Variants in PLA2G4C observed in about 807,000 individuals in gnomAD.
The protein encoded by PLA2G4C is phospholipase A2 group IVC.
In PLA2G4C, 64 loss-of-function variants were observed where a neutral mutation model predicts 73.8. That is an observed-to-expected ratio of 0.87 (90% CI 0.71 to 1.07). PLA2G4C has a LOEUF of 1.07. Among genes scored for constraint, PLA2G4C ranks in the 50% least tolerant of loss-of-function variants. The probability of loss-of-function intolerance (pLI) is 0.00; values close to 1 mark genes in which losing one functional copy is unlikely to be tolerated. For missense variants in PLA2G4C, 622 were observed against 665.4 expected (o/e 0.93, Z 0.72); for synonymous variants, 254 against 252.1 (o/e 1.01, Z -0.07).
chr19:48,051,495 C>T (rs1316027127), intron 16 of PLA2G4C, among the ~76,000 whole-genome samples: 1 of 152,144 alleles, frequency 6.6e-6, no homozygotes, highest in Non-Finnish European at 1.5e-5. Flanking sequence ...ATTACTTTTG[C>T]ACCAACCTAA....
chr19:48,048,053 T>C lies in PLA2G4C; in HGVS notation c.*290A>G, dbSNP rs1967588328. The C allele has an allele frequency of 6.6e-6, 3 of 457,414 alleles. No individual in the cohort carries two copies. The highest frequency in any genetic ancestry group is 8.9e-5 in the East Asian group (2 of 22,566). The allele number at this position is 457,414 out of a possible 1,614,324, so 28.3% of individuals were successfully genotyped here. The stretch of plus-strand genomic sequence containing the variant: ...CACATTCATTCTGGCCATCTGGACA[T>C]TGGACATGATGCTTCTGATTGTCAG... On this transcript the variant is annotated 3_prime_UTR_variant, in exon 17 of 17. Coordinates refer to ENST00000599921, the MANE Select transcript of PLA2G4C (RefSeq NM_003706.3).
rs536718829 is a variant in PLA2G4C at position 48,074,269 on chromosome 19, A to G, written c.1006+498T>C. Among the ~76,000 whole-genome samples the G allele has an allele frequency of 2.1e-4, 32 of 152,306 alleles. No homozygotes were observed. In the South Asian group the frequency reaches 6.4e-3, roughly 31 times the overall value. ...CTGTTCCTGCAATAGTTTGCTGAGG[A>G]TAATGACTTCCAGCTCCACCCATAT... On this transcript the variant is annotated intron_variant, in intron 12 of 16. Coordinates refer to ENST00000599921, the MANE Select transcript of PLA2G4C (RefSeq NM_003706.3).
intron 14 of PLA2G4C, 193 bp downstream of exon 14, chr19:48,061,805 C>G (rs1402489045): frequency 3.3e-6 from 2 of 611,858 alleles, no homozygotes; most frequent in South Asian, 1.8e-5. Context: ...GGCTTTGGAT[C>G]AGAAGTTCGT....
intron 12 of PLA2G4C, chr19:48,074,545 T>C (rs2030004183): frequency 1.8e-6 from 1 of 549,502 alleles, no homozygotes; most frequent in Non-Finnish European, 3.3e-6. Flanking sequence ...ATCTAGATCC[T>C]TGAGGAATTC....
chr19:48,105,026 T>C lies in PLA2G4C; in HGVS notation c.121-302A>G, dbSNP rs1304140924. On this transcript the variant is annotated intron_variant, in intron 3 of 16. Coordinates refer to ENST00000599921, the MANE Select transcript of PLA2G4C (RefSeq NM_003706.3). ...TGAACCTGGGAGGTGGAGGTTGCAG[T>C]GAGCCAAGATCATGCCACTGCATTC... Among the ~76,000 whole-genome samples, 5 of 135,192 alleles carry C rather than the reference T, an allele frequency of 3.7e-5. No homozygotes were observed. The East Asian group carries it at 1.1e-3, about 29-fold the overall frequency. 88.7% of individuals were successfully genotyped at this position (135,192 alleles called of 152,430 possible).
chr19:48,067,154 A>G (rs993887230), intron 13 of PLA2G4C, among the ~76,000 whole-genome samples: 1 of 148,154 alleles, frequency 6.7e-6, no homozygotes, highest in South Asian at 2.1e-4. Flanking sequence ...TGAAGGGAAA[A>G]CCCATACAAA....
At chr19:48,101,403 G>T (rs2031914767) in intron 4 of PLA2G4C, among the ~76,000 whole-genome samples, 1 of 151,876 alleles carries the variant, frequency 6.6e-6, no homozygotes, top group South Asian at 2.1e-4. Context: ...CCAAAATGCT[G>T]GGATTATAGG....
intron 7 of PLA2G4C, among the ~76,000 whole-genome samples, chr19:48,091,984 A>ATTG (rs574021214): frequency 8.6e-5 from 13 of 151,836 alleles, no homozygotes; most frequent in African/African-American, 3.1e-4. Flanking sequence ...ACGTGGAGAA[A>ATTG]TTGGAAACCT....
At chr19:48,097,134 A>T (rs2031614606) in intron 6 of PLA2G4C, 1 of 149,164 alleles carries the variant, frequency 6.7e-6, no homozygotes, top group Admixed American at 6.6e-5. Context: ...TAACCTGGGC[A>T]ACAAGAGAGA....
chr19:48,102,866 A>G (rs2031986633), intron 4 of PLA2G4C, among the ~76,000 whole-genome samples: 1 of 152,168 alleles, frequency 6.6e-6, no homozygotes, highest in South Asian at 2.1e-4. Context: ...TCCATGAGGC[A>G]GGCGTTCCTG....
At chr19:48,100,702 G>C (rs946393716) in intron 4 of PLA2G4C, among the ~76,000 whole-genome samples, 1 of 149,738 alleles carries the variant, frequency 6.7e-6, no homozygotes, top group African/African-American at 2.5e-5. Flanking sequence ...GAGGTCAGGA[G>C]ATCGAGACCA....
At chr19:48,101,104 C>CTATA (rs869065676) in intron 4 of PLA2G4C, among the ~76,000 whole-genome samples, 115 of 103,338 alleles carry the variant, frequency 1.1e-3, no homozygotes, top group African/African-American at 2.5e-3. Context: ...CACATAGAGT[C>CTATA]TATATATATA....
chr19:48,097,244 C>CGTT (rs1568449148), intron 6 of PLA2G4C: 3 of 66,632 alleles, frequency 4.5e-5, no homozygotes, highest in African/African-American at 2.1e-4. Context: ...TTACTTTTTT[C>CGTT]TTTTTTCTTT....
At chr19:48,082,582 C>T (rs1345450614) in intron 10 of PLA2G4C, among the ~76,000 whole-genome samples, 1 of 148,260 alleles carries the variant, frequency 6.7e-6, no homozygotes, top group African/African-American at 2.5e-5. Context: ...CACTGCAACC[C>T]CTGCCTCCCG....
In PLA2G4C at chr19:48,048,302, T is replaced by C. The variant is rs1194916116; in HGVS notation, c.*41A>G. 3 of 1,537,712 alleles carry C rather than the reference T, an allele frequency of 2.0e-6. No individual in the cohort carries two copies. Among genetic ancestry groups the C allele is most frequent in the African/African-American group, 2.8e-5 (2 of 72,368 alleles). ...GGCCAGGTGGACATCAGGGCCCTAG[T>C]AGACCAACAGGCCCACAGTGCCCTG... On this transcript the variant is annotated 3_prime_UTR_variant, in exon 17 of 17. Transcript: ENST00000599921.
At chr19:48,087,839 CA>C (rs2031070007) in intron 9 of PLA2G4C, among the ~76,000 whole-genome samples, 2 of 151,620 alleles carry the variant, frequency 1.3e-5, no homozygotes, top group South Asian at 4.2e-4. Context: ...GAGGCTGCGG[CA>C]GGAGAATTCC....
chr19:48,052,913 C>T (rs1352055007), intron 16 of PLA2G4C, 84 bp downstream of exon 16: 1 of 1,439,962 alleles, frequency 6.9e-7, no homozygotes, highest in African/African-American at 1.4e-5. Flanking sequence ...CCATGCAACC[C>T]TCCTGCCTGT....
intron 15 of PLA2G4C, 130 bp downstream of exon 15, chr19:48,054,748 T>A (rs1967868055): frequency 1.2e-6 from 1 of 860,172 alleles, no homozygotes; most frequent in African/African-American, 1.7e-5. Context: ...GGCCTCTCAA[T>A]CCATGCTGAA....
intron 5 of PLA2G4C, 125 bp from the exon 6 acceptor site, chr19:48,098,384 G>T: frequency 1.2e-6 from 1 of 844,058 alleles, no homozygotes; most frequent in Admixed American, 3.2e-5. Context: ...GGAGTGCAGT[G>T]GTACAATAAT....
Sources: allele counts gnomAD v4.1 joint callset (sites outside exome capture counted in the v4.1 genomes callset), GRCh38; gene constraint gnomAD v4.1.1; transcripts MANE v1.5; gene names NCBI Gene and HGNC (gene_info 2026-07-23, HGNC 2026-07-21).